GPM6B: variants seen among roughly 807,000 people sequenced by gnomAD.
GPM6B encodes the protein glycoprotein M6B, also known as neuronal membrane glycoprotein M6-b.
GPM6B carries 4 observed loss-of-function variants against 27.2 expected under a neutral mutation model. The ratio of observed to expected loss-of-function variants is 0.15; its 90% confidence interval spans 0.07 to 0.34. The LOEUF is 0.34. Among genes scored for constraint, GPM6B ranks in the 10% least tolerant of loss-of-function variants. The probability of loss-of-function intolerance (pLI) is 1.00; values close to 1 mark genes in which losing one functional copy is unlikely to be tolerated. For synonymous variants in GPM6B, 124 were observed against 103.1 expected (o/e 1.20, Z -1.23); for missense variants, 183 against 261.9 (o/e 0.70, Z 2.08).
chrX:13,833,373 T>C (rs1341095651), intron 1 of GPM6B, among the ~76,000 whole-genome samples: 1 of 110,186 alleles, frequency 9.1e-6, no homozygotes, highest in Non-Finnish European at 1.9e-5. Context: ...TCTTTCCATA[T>C]ATTTGAGAAT....
At chrX:13,837,884 G>A (rs1447287773) in intron 1 of GPM6B, among the ~76,000 whole-genome samples, 1 of 110,551 alleles carries the variant, frequency 9.0e-6, no homozygotes, top group Non-Finnish European at 1.9e-5. Flanking sequence ...TTGGACCACC[G>A]TGTAATAAAC....
chrX:13,916,841 C>G (rs907076975), intron 1 of GPM6B, among the ~76,000 whole-genome samples: 1 of 111,147 alleles, frequency 9.0e-6, no homozygotes, highest in African/African-American at 3.3e-5. Flanking sequence ...GTAGGCACAT[C>G]TGCCTTATAA....
rs759457420 is a variant in GPM6B, at chrX:13,854,399, G to C, written c.-197-68591C>G. Among the ~76,000 whole-genome samples, 6 of 112,269 alleles carry C rather than the reference G, an allele frequency of 5.3e-5. No individual in the cohort carries two copies. In the East Asian group the frequency reaches 1.7e-3, roughly 31 times the overall value. On this transcript the variant is annotated intron_variant, in intron 1 of 6. Coordinates refer to the GPM6B transcript ENST00000398361. ...ACTAGCTCAGAGAGAAAGCTGACAA[G>C]AGAAGAGATGGCTTTTGGCTTAGAA...
At chrX:13,779,637 G>A (rs1450564801) in intron 5 of GPM6B, among the ~76,000 whole-genome samples, 181 bp downstream of exon 5, 1 of 111,555 alleles carries the variant, frequency 9.0e-6, no homozygotes, top group East Asian at 2.8e-4. Context: ...CAAGCTAAAA[G>A]CCTCCCTGAA....
chrX:13,888,644 T>C (rs1044260843), intron 1 of GPM6B, among the ~76,000 whole-genome samples: 1 of 112,066 alleles, frequency 8.9e-6, no homozygotes, highest in African/African-American at 3.2e-5. Flanking sequence ...ATTTGGTTCC[T>C]GCAGTCCCTC....
At chrX:13,874,035 A>G (rs1023456803) in intron 1 of GPM6B, among the ~76,000 whole-genome samples, 4 of 111,735 alleles carry the variant, frequency 3.6e-5, no homozygotes, top group Non-Finnish European at 7.5e-5. Flanking sequence ...ATATTGTGCA[A>G]AAAGATATTT....
intron 1 of GPM6B, among the ~76,000 whole-genome samples, chrX:13,814,389 C>T (rs1275648902): frequency 6.3e-5 from 7 of 111,478 alleles, no homozygotes; most frequent in African/African-American, 2.3e-4. Context: ...AAAAACTCTG[C>T]GTAAAGTGAC....
Position 13,846,553 on chromosome X carries a change from T to A in GPM6B, c.-197-60745A>T, listed in dbSNP as rs150047685. The stretch of plus-strand genomic sequence containing the variant: ...TCGCCCAGGCTGGAGTGCAGTGGCG[T>A]GATCTCAGCTCACTGCAAGCTCCGC... On this transcript the variant is annotated intron_variant, in intron 1 of 6. Transcript: ENST00000398361. 9.2e-3 allele frequency among the ~76,000 whole-genome samples: 1,015 copies of A among 110,314 alleles called. 6 individuals are homozygous for A. The highest frequency in any genetic ancestry group is 0.032 in the African/African-American group (982 of 30,253).
At chrX:13,850,662 A>G (rs953189549) in intron 1 of GPM6B, among the ~76,000 whole-genome samples, 9 of 112,077 alleles carry the variant, frequency 8.0e-5, no homozygotes, top group African/African-American at 1.3e-4. Context: ...CAATATACTT[A>G]AGCTCTTTAA....
chrX:13,866,506 C>T (rs923279919), intron 1 of GPM6B, among the ~76,000 whole-genome samples: 1 of 112,012 alleles, frequency 8.9e-6, no homozygotes, highest in African/African-American at 3.2e-5. Context: ...TGAATATTTT[C>T]ACCACAAAGA....
intron 1 of GPM6B, among the ~76,000 whole-genome samples, chrX:13,870,932 G>A (rs1399890137): frequency 9.1e-6 from 1 of 110,472 alleles, no homozygotes; most frequent in Non-Finnish European, 1.9e-5. Context: ...CTAGGTAGGT[G>A]CAGTGGTGCA....
At chrX:13,918,429 A>C (rs762339555) in intron 1 of GPM6B, among the ~76,000 whole-genome samples, 4 of 112,708 alleles carry the variant, frequency 3.5e-5, no homozygotes, top group Non-Finnish European at 5.6e-5. Context: ...GCTGACTATG[A>C]CAATCACAAA....
chrX:13,845,894 C>T (rs1224382240), intron 1 of GPM6B, among the ~76,000 whole-genome samples: 2 of 111,940 alleles, frequency 1.8e-5, no homozygotes, highest in South Asian at 7.5e-4. Flanking sequence ...ATTATCCTCA[C>T]CATGTGTTTC....
At chrX:13,931,359 G>A (rs1157166333) in intron 1 of GPM6B, among the ~76,000 whole-genome samples, 1 of 108,733 alleles carries the variant, frequency 9.2e-6, no homozygotes, top group Admixed American at 9.8e-5. Flanking sequence ...ATGGTGGTGG[G>A]CGCCTGTAGT....
At chrX:13,823,694 A>T (rs2049338431) in intron 1 of GPM6B, among the ~76,000 whole-genome samples, 1 of 110,846 alleles carries the variant, frequency 9.0e-6, no homozygotes, top group South Asian at 3.8e-4. Context: ...TAACTTTTGT[A>T]TTTTTAGTAG....
At chrX:13,880,675 C>CAAAAAAAAAAAAAAAAAAAAAAA (rs57849359) in intron 1 of GPM6B, among the ~76,000 whole-genome samples, 2 of 46,613 alleles carry the variant, frequency 4.3e-5, no homozygotes, top group African/African-American at 2.4e-4. Flanking sequence ...GGCTCCATCT[C>CAAAAAAAAAAAAAAAAAAAAAAA]AAAAAAAAAA....
chrX:13,897,830 G>C (rs1179715268), intron 1 of GPM6B, among the ~76,000 whole-genome samples: 1 of 111,965 alleles, frequency 8.9e-6, no homozygotes, highest in Non-Finnish European at 1.9e-5. Context: ...CCCAATTCCT[G>C]CCCAATAAGG....
At chrX:13,873,217 C>A (rs1328482148) in intron 1 of GPM6B, among the ~76,000 whole-genome samples, 1 of 109,826 alleles carries the variant, frequency 9.1e-6, no homozygotes. Flanking sequence ...CTTTTCACTT[C>A]AAGAACCTGA....
chrX:13,926,652 G>A (rs767302432), intron 1 of GPM6B, among the ~76,000 whole-genome samples: 3 of 111,647 alleles, frequency 2.7e-5, no homozygotes, highest in Non-Finnish European at 5.6e-5. Flanking sequence ...AGATATTATC[G>A]GGAGGAAAGA....
Sources: gnomAD v4.1 joint callset for allele counts (sites outside exome capture counted in the v4.1 genomes callset) on GRCh38, gnomAD v4.1.1 for gene constraint, MANE v1.5 for transcripts, NCBI Gene and HGNC (gene_info 2026-07-23, HGNC 2026-07-21) for gene names.